ERP44: variants seen among roughly 807,000 people sequenced by gnomAD.
ERP44 encodes the protein endoplasmic reticulum protein 44.
Under a neutral mutation model 53.4 loss-of-function variants are expected in ERP44, and 25 were observed. The observed-to-expected ratio is 0.47, with a 90% CI of 0.34 to 0.65. The LOEUF is 0.65. Ranked by LOEUF, ERP44 falls within the 30% of genes least tolerant of loss-of-function variation. ERP44 has a pLI of 0.01. For missense variants in ERP44, 338 were observed against 493.2 expected (o/e 0.69, Z 2.98); for synonymous variants, 145 against 161.2 (o/e 0.90, Z 0.76).
At chr9:100,070,740 C>T (rs148021639) in intron 1 of ERP44, among the ~76,000 whole-genome samples, 27 of 152,280 alleles carry the variant, frequency 1.8e-4, no homozygotes, top group African/African-American at 6.0e-4. Flanking sequence ...GTATAAGAAA[C>T]ATTGGCTATA....
At chr9:99,985,479 GA>G (rs1349613004) in intron 10 of ERP44, among the ~76,000 whole-genome samples, 7 of 152,198 alleles carry the variant, frequency 4.6e-5, no homozygotes, top group African/African-American at 1.7e-4. Context: ...GCTAACCACT[GA>G]AAACTATGCA....
rs1413250351 is a variant in ERP44, at chr9:100,044,937, T to C, written c.286+7480A>G. 2.6e-5 allele frequency among the ~76,000 whole-genome samples: 4 copies of C among 152,290 alleles called. No homozygotes were observed. The East Asian group carries it at 7.7e-4, about 29-fold the overall frequency. On this transcript the variant is annotated intron_variant, in intron 4 of 11. Coordinates refer to ENST00000262455, the MANE Select transcript of ERP44 (RefSeq NM_015051.3). ...ATTTTAAGTTGTTTTTATTCAGAAA[T>C]GGGCGAATTCTCCATTTCTATGGGG... is the stretch of plus-strand genomic sequence containing the variant.
intron 8 of ERP44, among the ~76,000 whole-genome samples, chr9:100,014,806 G>GA (rs1419825331): frequency 6.6e-6 from 1 of 152,048 alleles, no homozygotes; most frequent in Non-Finnish European, 1.5e-5. Flanking sequence ...ACCCTTTGTT[G>GA]AAAAAAATTG....
chr9:100,071,896 G>A (rs1020853918), intron 1 of ERP44, among the ~76,000 whole-genome samples: 3 of 152,114 alleles, frequency 2.0e-5, no homozygotes, highest in East Asian at 1.9e-4. Context: ...ACTCTAGCCT[G>A]GGCAACAAGA....
At chr9:100,030,435 G>A (rs1825768630) in intron 4 of ERP44, among the ~76,000 whole-genome samples, 1 of 152,116 alleles carries the variant, frequency 6.6e-6, no homozygotes, top group South Asian at 2.1e-4. Context: ...CCAACTGAGG[G>A]GAGTTAGAGT....
In ERP44 at chr9:99,979,950, C is replaced by CT; in HGVS notation, c.*2661dup. ...ACCCCTTAGTCTGGCACACAAGGCC[C>CT]TGTGTGACCAGCTCCCATTTCTTTT... On this transcript the variant is annotated 3_prime_UTR_variant, in exon 12 of 12. Transcript: ENST00000262455. 2.5e-6 allele frequency: 1 copy of CT among 398,540 alleles called. No homozygotes were observed. The highest frequency in any genetic ancestry group is 4.4e-6 in the Non-Finnish European group (1 of 226,014). 24.7% of individuals were successfully genotyped at this position (398,540 alleles called of 1,614,324 possible). A position where few individuals can be genotyped will look rare whatever the true frequency, so the allele number is the denominator to read the frequency against.
chr9:100,068,300 A>T (rs1198923840), intron 1 of ERP44, among the ~76,000 whole-genome samples: 1 of 88,664 alleles, frequency 1.1e-5, no homozygotes, highest in East Asian at 4.1e-4. Flanking sequence ...GAGCCCCTCT[A>T]CCCGGCCAGC....
chr9:99,999,110 A>T lies in ERP44; in HGVS notation c.1016+7396T>A, dbSNP rs563204667. ...CCGTTCCCACAGCGGCGGGGCGTGG[A>T]CACGGCGCACCTGAGGCACAGTGTA... is the stretch of plus-strand genomic sequence containing the variant. On this transcript the variant is annotated intron_variant, in intron 10 of 11. Transcript: ENST00000262455. 1.0e-4 allele frequency: 64 copies of T among 640,562 alleles called. No homozygotes were observed. In the East Asian group the frequency reaches 1.8e-3, roughly 18 times the overall value. 39.7% of individuals were successfully genotyped at this position (640,562 alleles called of 1,614,324 possible).
chr9:100,010,965 T>C (rs1830470119), intron 8 of ERP44, among the ~76,000 whole-genome samples: 1 of 151,260 alleles, frequency 6.6e-6, no homozygotes, highest in South Asian at 2.1e-4. Flanking sequence ...TATAAACTGT[T>C]AGCAGAAAAA....
chr9:100,051,813 T>C lies in ERP44; in HGVS notation c.286+604A>G, dbSNP rs1474466570. On this transcript the variant is annotated intron_variant, in intron 4 of 11. Transcript: ENST00000262455. ...TATACGAAAAACCATGAGGATTTTA[T>C]AGAGAATGCTCCACCAGGACAAGCA... Among the ~76,000 whole-genome samples, 15 of 152,192 alleles carry C rather than the reference T, an allele frequency of 9.9e-5. 1 individual carries two copies. The highest frequency in any genetic ancestry group is 9.8e-4 in the Admixed American group (15 of 15,274).
At chr9:100,064,723 C>T (rs1826190907) in intron 1 of ERP44, among the ~76,000 whole-genome samples, 1 of 152,140 alleles carries the variant, frequency 6.6e-6, no homozygotes, top group Middle Eastern at 3.2e-3. Flanking sequence ...TATAATGAAG[C>T]TGAAAAATTC....
intron 8 of ERP44, among the ~76,000 whole-genome samples, chr9:100,012,293 G>A (rs1830483580): frequency 6.6e-6 from 1 of 152,054 alleles, no homozygotes; most frequent in Non-Finnish European, 1.5e-5. Context: ...TAGTGCAATA[G>A]AGCCTGATAA....
At chr9:99,999,414 C>T (rs964712238) in intron 10 of ERP44, among the ~76,000 whole-genome samples, 2 of 152,124 alleles carry the variant, frequency 1.3e-5, no homozygotes, top group African/African-American at 4.8e-5. Flanking sequence ...TCAAAGACAC[C>T]ATTCTAATAT....
At chr9:100,050,138 T>C (rs1356692704) in intron 4 of ERP44, among the ~76,000 whole-genome samples, 2 of 151,442 alleles carry the variant, frequency 1.3e-5, no homozygotes, top group Non-Finnish European at 2.9e-5. Context: ...GGAAAGTAGA[T>C]GGTCCTTAAG....
At chr9:100,076,476 G>C (rs1826357693) in intron 1 of ERP44, among the ~76,000 whole-genome samples, 1 of 152,198 alleles carries the variant, frequency 6.6e-6, no homozygotes, top group African/African-American at 2.4e-5. Flanking sequence ...CCACCCAAAA[G>C]TGGACAGCTG....
chr9:99,983,819 T>TA (rs1830172724), intron 11 of ERP44, among the ~76,000 whole-genome samples: 1 of 152,224 alleles, frequency 6.6e-6, no homozygotes, highest in South Asian at 2.1e-4. Flanking sequence ...ATGTTTGGAT[T>TA]AAGCTGAAAT....
At position 100,054,079 on chromosome 9, in the gene ERP44, C is replaced by T. The variant is rs188546530; in HGVS notation, c.171-1547G>A. 4.8e-3 allele frequency among the ~76,000 whole-genome samples: 734 copies of T among 152,256 alleles called. 14 individuals are homozygous for T. The highest frequency in any genetic ancestry group is 2.7e-3 in the Non-Finnish European group (184 of 68,026). ...TGTCCTAGAATATATCAAGGAGACA[C>T]ATCTGTATCTTCAATCTCTTGCTTT... On this transcript the variant is annotated intron_variant, in intron 3 of 11. Transcript: ENST00000262455.
intron 8 of ERP44, among the ~76,000 whole-genome samples, chr9:100,012,872 G>A (rs1170624123): frequency 6.6e-6 from 1 of 152,182 alleles, no homozygotes; most frequent in African/African-American, 2.4e-5. Flanking sequence ...ATAAAAGAAA[G>A]CAGACTGGCT....
intron 1 of ERP44, among the ~76,000 whole-genome samples, chr9:100,092,052 A>G (rs898582276): frequency 1.3e-5 from 2 of 152,246 alleles, no homozygotes; most frequent in Non-Finnish European, 2.9e-5. Flanking sequence ...CCTCCATAGT[A>G]GATTGCAAAT....
Sources: gnomAD v4.1 joint callset for allele counts (sites outside exome capture counted in the v4.1 genomes callset) on GRCh38, gnomAD v4.1.1 for gene constraint, MANE v1.5 for transcripts, NCBI Gene and HGNC (gene_info 2026-07-23, HGNC 2026-07-21) for gene names.